Variants in STARD9 observed in about 807,000 individuals in gnomAD.
STARD9 encodes StAR related lipid transfer domain containing 9, also known as stAR-related lipid transfer protein 9.
Under a neutral mutation model 399.8 loss-of-function variants are expected in STARD9, and 346 were observed. The observed-to-expected ratio is 0.87, with a 90% confidence interval of 0.79 to 0.95. The LOEUF (loss-of-function observed/expected upper bound fraction) is 0.95, where lower values mean the gene tolerates loss of function less well. STARD9 is among the 40% of genes least tolerant of loss of function. STARD9 has a pLI of 0.00. For synonymous variants in STARD9, 2,203 were observed against 2,143.5 expected (o/e 1.03, Z -0.77); for missense variants, 5,832 against 5,667.5 (o/e 1.03, Z -0.93).
chr15:42,599,952 C>T (rs2058589445), intron 3 of STARD9, among the ~76,000 whole-genome samples: 2 of 152,062 alleles, frequency 1.3e-5, no homozygotes, highest in African/African-American at 2.4e-5. Flanking sequence ...ATAACATATC[C>T]AAAGTTTGTT....
At chr15:42,604,083 T>C (rs1299196627) in intron 3 of STARD9, among the ~76,000 whole-genome samples, 1 of 152,174 alleles carries the variant, frequency 6.6e-6, no homozygotes, top group African/African-American at 2.4e-5. Context: ...ATAAATTCCT[T>C]CCTTAGTTAG....
chr15:42,680,839 C>A (rs1485855691), intron 20 of STARD9, among the ~76,000 whole-genome samples: 1 of 152,138 alleles, frequency 6.6e-6, no homozygotes. Context: ...AGGGCTCATT[C>A]ACTGAAAACA....
intron 15 of STARD9, among the ~76,000 whole-genome samples, chr15:42,667,153 T>G (rs989399836): frequency 4.6e-5 from 7 of 151,258 alleles, no homozygotes; most frequent in Non-Finnish European, 1.0e-4. Context: ...TGGGCAGTTT[T>G]TTTTGTTGAC....
At chr15:42,607,637 C>T (rs1040342885) in intron 3 of STARD9, among the ~76,000 whole-genome samples, 1 of 136,254 alleles carries the variant, frequency 7.3e-6, no homozygotes, top group Non-Finnish European at 1.5e-5. Flanking sequence ...ATATATTATA[C>T]ACACACACAC....
Position 42,717,812 on chromosome 15 carries a change from TC to T in STARD9, c.13559+19del. ...TGGCTGGAAGTAAGTTTGTTTAGGGTCCTTTGTACAGTGTCTGTCTTGGTAA... is the reference window on the plus strand; with the variant it reads ...TGGCTGGAAGTAAGTTTGTTTAGGGTCTTTGTACAGTGTCTGTCTTGGTAA... On this transcript the variant is annotated intron_variant, in intron 29 of 32. Transcript: ENST00000290607. The T allele has an allele frequency of 5.2e-6, 8 of 1,536,422 alleles. No individual in the cohort carries two copies. Among genetic ancestry groups the T allele is most frequent in the Non-Finnish European group, 7.0e-6 (8 of 1,146,258 alleles).
rs954591974 is a variant in STARD9, at chr15:42,692,613, A to G, written c.11035A>G (p.Asn3679Asp). 1 of 1,537,090 alleles carries G rather than the reference A, an allele frequency of 6.5e-7. No individual in the cohort carries two copies. The highest frequency in any genetic ancestry group is 8.7e-7 in the Non-Finnish European group (1 of 1,146,916). The change falls in exon 23 of 33, where the codon AAT (asparagine) becomes GAT (aspartate). Residue 3679 changes from asparagine (N) to aspartate (D), a missense_variant. Transcript: ENST00000290607. Reference sequence around the variant, plus strand: ...TCTGGCCTCATGGACCAGCATGCACAATCTGTCTCTCCACCTCTCACAGCT... The same window carrying G: ...TCTGGCCTCATGGACCAGCATGCACGATCTGTCTCTCCACCTCTCACAGCT... ...FDLASWTSMH[N>D]LSLHLSQLLH...
Position 42,682,099 on chromosome 15 carries a change from C to A in STARD9, c.2066-5C>A. On this transcript the variant is annotated splice_polypyrimidine_tract_variant and splice_region_variant and intron_variant, in intron 21 of 32. Coordinates refer to ENST00000290607, the MANE Select transcript of STARD9 (RefSeq NM_020759.3). Reference sequence around the variant, plus strand: ...AAATTCTCTCTGGGTGTTTTTGGTTCCCAGACCAGCAGTGTCTGCTCAGAG... The same window carrying A: ...AAATTCTCTCTGGGTGTTTTTGGTTACCAGACCAGCAGTGTCTGCTCAGAG... 6.5e-7 allele frequency: 1 copy of A among 1,527,218 alleles called. No individual in the cohort carries two copies. The highest frequency in any genetic ancestry group is 1.2e-5 in the South Asian group (1 of 82,896). 94.6% of individuals were successfully genotyped at this position (1,527,218 alleles called of 1,614,324 possible).
chr15:42,622,527 A>C (rs1356674977), intron 3 of STARD9, among the ~76,000 whole-genome samples: 2 of 152,074 alleles, frequency 1.3e-5, no homozygotes, highest in African/African-American at 4.8e-5. Context: ...GCCACTGCCC[A>C]GCGGATGTCT....
At chr15:42,711,435 C>A (rs978167616) in intron 26 of STARD9, among the ~76,000 whole-genome samples, 1 of 152,202 alleles carries the variant, frequency 6.6e-6, no homozygotes, top group African/African-American at 2.4e-5. Context: ...GCCACTGCAC[C>A]CAGCTCCACA....
Position 42,716,688 on chromosome 15 carries a change from C to T in STARD9, c.13296C>T (p.Asn4432=), listed in dbSNP as rs2061356856. 1.3e-6 allele frequency: 2 copies of T among 1,535,518 alleles called. No individual in the cohort carries two copies. The highest frequency in any genetic ancestry group is 2.0e-5 in the Admixed American group (1 of 50,968). The change falls in exon 27 of 33, where the codon AAC becomes AAT. Residue 4432 remains asparagine, a synonymous_variant. Coordinates refer to ENST00000290607, the MANE Select transcript of STARD9 (RefSeq NM_020759.3). Reference sequence around the variant, plus strand: ...CCTCTCTTCTGCAGGGGCATACAAACTTGCCTGATTCCAGGGATGTATGGA... The same window carrying T: ...CCTCTCTTCTGCAGGGGCATACAAATTTGCCTGATTCCAGGGATGTATGGA... ...LQFPENMGHT[N]LPDSRDVWIG...
rs2060452552 is a variant in STARD9 at position 42,682,471 on chromosome 15, C to T, written c.2433C>T (p.Ser811=). 6.5e-7 allele frequency: 1 copy of T among 1,537,194 alleles called. No individual in the cohort carries two copies. The highest frequency in any genetic ancestry group is 2.0e-5 in the Admixed American group (1 of 51,008). The change falls in exon 22 of 33, where the codon AGC becomes AGT. Residue 811 remains serine, a synonymous_variant. Transcript: ENST00000290607. ...AGGAGCCCCCATACCAGGTCCTCAG[C>T]CCTGATGCCACAGTCCCACGGCCTC... ...STQEPPYQVL[S]PDATVPRPPC...
intron 3 of STARD9, among the ~76,000 whole-genome samples, chr15:42,612,867 C>G (rs2058879750): frequency 6.6e-6 from 1 of 152,026 alleles, no homozygotes; most frequent in South Asian, 2.1e-4. Context: ...GCCTGTAATC[C>G]TAGCTACTCA....
Position 42,685,090 on chromosome 15 carries a change from A to G in STARD9, c.3512A>G (p.Asn1171Ser). 6.5e-7 allele frequency: 1 copy of G among 1,537,160 alleles called. No homozygotes were observed. Among genetic ancestry groups the G allele is most frequent in the South Asian group, 1.2e-5 (1 of 84,058 alleles). The change falls in exon 23 of 33, where the codon AAC becomes AGC. Residue 1171 changes from asparagine (N) to serine (S), a missense_variant. Coordinates refer to ENST00000290607, the MANE Select transcript of STARD9 (RefSeq NM_020759.3). ...NRLGGNRPTN[N>S]RGQPRTRTRA... The stretch of plus-strand genomic sequence containing the variant: ...CTAGGGGGCAATCGTCCCACCAACA[A>G]CCGTGGCCAACCCAGGACCAGAACT...
chr15:42,662,586 T>G (rs1595727784), intron 10 of STARD9, among the ~76,000 whole-genome samples: 1 of 152,212 alleles, frequency 6.6e-6, no homozygotes, highest in East Asian at 1.9e-4. Context: ...CATAATGAGT[T>G]ATTTGATTTT....
chr15:42,607,789 C>G (rs376213279), intron 3 of STARD9, among the ~76,000 whole-genome samples: 96 of 152,208 alleles, frequency 6.3e-4, no homozygotes, highest in African/African-American at 1.9e-3. Flanking sequence ...TTATTTACCC[C>G]CCTCTGATCA....
At chr15:42,718,411 C>T (rs944627446) in intron 30 of STARD9, 24 bp from the exon 31 acceptor site, 32 of 1,529,610 alleles carry the variant, frequency 2.1e-5, no homozygotes, top group Non-Finnish European at 2.6e-5. Context: ...GGCCTCCTGA[C>T]CTTCCTTATC....
chr15:42,618,525 G>A (rs2059018175), intron 3 of STARD9, among the ~76,000 whole-genome samples: 1 of 151,944 alleles, frequency 6.6e-6, no homozygotes, highest in African/African-American at 2.4e-5. Flanking sequence ...TGGTGCTAGA[G>A]TATATCACTA....
chr15:42,583,862 A>G (rs1034515213), intron 2 of STARD9, among the ~76,000 whole-genome samples: 4 of 152,120 alleles, frequency 2.6e-5, no homozygotes, highest in African/African-American at 9.7e-5. Context: ...TCTTTTAGCT[A>G]TACTGAGATC....
At chr15:42,619,138 A>C (rs573580149) in intron 3 of STARD9, among the ~76,000 whole-genome samples, 1 of 152,150 alleles carries the variant, frequency 6.6e-6, no homozygotes, top group Non-Finnish European at 1.5e-5. Flanking sequence ...TTTGGTGTAC[A>C]TTTCCATGAA....
Sources: allele counts gnomAD v4.1 joint callset (sites outside exome capture counted in the v4.1 genomes callset), GRCh38; gene constraint gnomAD v4.1.1; transcripts MANE v1.5; gene names NCBI Gene and HGNC (gene_info 2026-07-23, HGNC 2026-07-21).